Variants in FOXP3 observed in about 807,000 individuals in gnomAD.
FOXP3 encodes the protein forkhead box P3.
Under a neutral mutation model 31.2 loss-of-function variants are expected in FOXP3, and 5 were observed. The observed-to-expected ratio is 0.16, with a 90% CI of 0.08 to 0.34. The LOEUF (loss-of-function observed/expected upper bound fraction) is 0.34. Among genes scored for constraint, FOXP3 ranks in the 10% least tolerant of loss-of-function variants. The pLI is 1.00. For synonymous variants in FOXP3, 141 were observed against 148.8 expected, an observed-to-expected ratio of 0.95 and a Z score of 0.38; for missense variants, 251 against 363.0, an observed-to-expected ratio of 0.69 and a Z score of 2.51.
chrX:49,258,514 T>C lies in FOXP3; in HGVS notation c.-9A>G. ...GGCCTGGGGTTGGGCATCGGGTCCT[T>C]GTCCAAGGGCAGGCTGCGTAGACAA... On this transcript the variant is annotated 5_prime_UTR_variant, in exon 2 of 12. Transcript: ENST00000376207. 8.6e-7 allele frequency: 1 copy of C among 1,157,730 alleles called. No homozygotes were observed. The highest frequency in any genetic ancestry group is 2.6e-5 in the Admixed American group (1 of 38,391).
At chrX:49,263,256 G>GTTTTTC (rs1292264864) in intron 1 of FOXP3, among the ~76,000 whole-genome samples, 1 of 108,512 alleles carries the variant, frequency 9.2e-6, no homozygotes, top group African/African-American at 3.3e-5. Context: ...GTGATAATGT[G>GTTTTTC]TTTTTCTTAC....
intron 9 of FOXP3, among the ~76,000 whole-genome samples, chrX:49,253,686 G>A (rs1314587147): frequency 8.9e-6 from 1 of 112,344 alleles, no homozygotes; most frequent in Admixed American, 9.4e-5. Flanking sequence ...ATCCCCAAGG[G>A]AGTCAGGGCT....
Position 49,257,686 on chromosome X carries a change from T to A in FOXP3, c.293A>T (p.Asp98Val). The A allele has an allele frequency of 8.5e-7, 1 of 1,182,056 alleles. No homozygotes were observed. The highest frequency in any genetic ancestry group is 1.1e-6 in the Non-Finnish European group (1 of 879,861). Residue 98 changes from aspartate (D) to valine (V), a missense_variant, in exon 3 of 12, where the codon GAC (aspartate) becomes GTC (valine). Physicochemically the swap from Asp to Val is radical, Grantham distance 152. This residue lies in a region of FOXP3 where 152 missense variants were observed against 188.1 expected (regional missense o/e 0.81). Coordinates refer to ENST00000376207, the MANE Select transcript of FOXP3 (RefSeq NM_014009.4). ...PLPHLQALLQDRPHFMHQLST... is the reference protein window; with the variant it reads ...PLPHLQALLQVRPHFMHQLST... Reference sequence around the variant, plus strand: ...TACCTGGTGCATGAAATGTGGCCTGTCCTGGAGGAGTGCCTGTAAGTGGGG... The same window carrying A: ...TACCTGGTGCATGAAATGTGGCCTGACCTGGAGGAGTGCCTGTAAGTGGGG...
At chrX:49,254,127 A>C (rs1557115982) in intron 8 of FOXP3, 60 bp from the exon 9 acceptor site, 11 of 1,139,943 alleles carry the variant, frequency 9.6e-6, no homozygotes, top group Non-Finnish European at 1.3e-5. Flanking sequence ...TTTACTTTCT[A>C]TTTTATGTTT....
Position 49,253,613 on chromosome X carries a change from G to A in FOXP3, c.967+304C>T, listed in dbSNP as rs781959186. ...GGTGCTCCTGGAATTACTTAGCAGG[G>A]TCCCTCCCTTCTGATGGCCGAATAT... On this transcript the variant is annotated intron_variant, in intron 9 of 11. Transcript: ENST00000376207. 1.2e-4 allele frequency among the ~76,000 whole-genome samples: 14 copies of A among 112,129 alleles called. No homozygotes were observed. In the South Asian group the frequency reaches 3.8e-3, roughly 30 times the overall value.
chrX:49,254,959 T>C (rs1335294866), intron 8 of FOXP3, among the ~76,000 whole-genome samples: 1 of 107,633 alleles, frequency 9.3e-6, no homozygotes, highest in Non-Finnish European at 1.9e-5. Flanking sequence ...TTTTTTTTTT[T>C]TTTTCTTGAG....
intron 8 of FOXP3, among the ~76,000 whole-genome samples, chrX:49,254,948 T>G (rs2066058957): frequency 9.3e-6 from 1 of 107,540 alleles, no homozygotes; most frequent in Admixed American, 9.9e-5. Flanking sequence ...TCAGAGGGTT[T>G]TTTTTTTTTT....
intron 8 of FOXP3, among the ~76,000 whole-genome samples, 190 bp from the exon 9 acceptor site, chrX:49,254,257 G>A (rs1557115996): frequency 9.0e-6 from 1 of 111,329 alleles, no homozygotes; most frequent in Admixed American, 9.5e-5. Flanking sequence ...TCAGCCTCCC[G>A]AGTAGCTGGG....
At chrX:49,253,364 C>T (rs2066046520) in intron 9 of FOXP3, among the ~76,000 whole-genome samples, 162 bp from the exon 10 acceptor site, 1 of 112,350 alleles carries the variant, frequency 8.9e-6, no homozygotes, top group African/African-American at 3.2e-5. Context: ...TAAGTTGTAT[C>T]ATTTATTCTT....
At chrX:49,256,531 CTTA>C (rs2066074396) in intron 6 of FOXP3, among the ~76,000 whole-genome samples, 1 of 112,097 alleles carries the variant, frequency 8.9e-6, no homozygotes, top group African/African-American at 3.2e-5. Context: ...ACAAACGTTT[CTTA>C]TTATACATAC....
chrX:49,252,167 C>G (rs2066037681), intron 10 of FOXP3, among the ~76,000 whole-genome samples: 1 of 95,555 alleles, frequency 1.0e-5, no homozygotes, highest in African/African-American at 4.1e-5. Flanking sequence ...GGTAAAGGGC[C>G]AGGCCAACTT....
chrX:49,260,888 G>A (rs3761549), intron 1 of FOXP3, among the ~76,000 whole-genome samples: 11,187 of 112,246 alleles, frequency 0.1, 516 homozygotes, highest in South Asian at 0.26. Context: ...TCCGAGAACT[G>A]GCTGCCCTGT....
intron 6 of FOXP3, among the ~76,000 whole-genome samples, chrX:49,256,352 G>A (rs1557116353): frequency 2.7e-5 from 3 of 109,215 alleles, no homozygotes; most frequent in African/African-American, 1.0e-4. Flanking sequence ...AATAAGGCTG[G>A]CATGTTGGCA....
chrX:49,258,676 GACACACACACAC>G (rs57734889), intron 1 of FOXP3, 149 bp from the exon 2 acceptor site: 20 of 360,506 alleles, frequency 5.5e-5, no homozygotes, highest in Middle Eastern at 7.3e-4. Flanking sequence ...CCCAGCTCTA[GACACACACACAC>G]ACACACACAC....
At chrX:49,256,701 TCTCC>T (rs1557116397) in intron 6 of FOXP3, 46 bp downstream of exon 6, 1 of 1,081,791 alleles carries the variant, frequency 9.2e-7, no homozygotes, top group Non-Finnish European at 1.3e-6. Context: ...ACCCTAGACC[TCTCC>T]CCACAAGCCA....
rs868924249 is a variant in FOXP3 at position 49,250,755 on chromosome X, C to G, written c.*579G>C. The G allele has an allele frequency of 1.2e-5, 3 of 252,061 alleles. No homozygotes were observed. The highest frequency in any genetic ancestry group is 1.4e-3 in the Middle Eastern group (1 of 719). The allele number at this position is 252,061 out of a possible 1,213,427, so 20.8% of individuals were successfully genotyped here. On this transcript the variant is annotated 3_prime_UTR_variant, in exon 12 of 12. Transcript: ENST00000376207. Reference sequence around the variant, plus strand: ...ACCTCAGATCCTGAGGGTACTGACGCTGCTTCTGTGTAGGCCTCTGGGCAC... The same window carrying G: ...ACCTCAGATCCTGAGGGTACTGACGGTGCTTCTGTGTAGGCCTCTGGGCAC...
At position 49,250,467 on chromosome X, in the gene FOXP3, C is replaced by T. The variant is rs181219991; in HGVS notation, c.*867G>A. The stretch of plus-strand genomic sequence containing the variant: ...GAGCTCGGCTGCAGTTTATTGGGGA[C>T]GGTACTGTGGGTTGGGGGCCTTGGA... On this transcript the variant is annotated 3_prime_UTR_variant, in exon 12 of 12. Transcript: ENST00000376207. 47 of 497,413 alleles carry T rather than the reference C, an allele frequency of 9.4e-5. No individual in the cohort carries two copies. In the East Asian group the frequency reaches 1.0e-3, roughly 11 times the overall value. The allele number at this position is 497,413 out of a possible 1,213,427, so 41.0% of individuals were successfully genotyped here.
rs782694663 is a variant in FOXP3, at chrX:49,256,959, T to C, written c.508A>G (p.Thr170Ala). ...WVSREPALLCTFPNPSAPRKD... is the reference protein window; with the variant it reads ...WVSREPALLCAFPNPSAPRKD... Reference sequence around the variant, plus strand: ...CTGGGTGCACTGGGATTTGGGAAGGTGCAGAGCAGTGCCGGCTCCCTGGAC... The same window carrying C: ...CTGGGTGCACTGGGATTTGGGAAGGCGCAGAGCAGTGCCGGCTCCCTGGAC... The change falls in exon 5 of 12, where the codon ACC becomes GCC. Residue 170 changes from threonine to alanine, a missense_variant. Thr to Ala is a moderately conservative substitution (Grantham distance 58). Around this residue, in one of 4 missense-constraint regions of FOXP3, gnomAD observed 152 missense variants for 188.1 expected, o/e 0.81. Coordinates refer to ENST00000376207, the MANE Select transcript of FOXP3 (RefSeq NM_014009.4). 1 of 1,209,789 alleles carries C rather than the reference T, an allele frequency of 8.3e-7. No homozygotes were observed. The highest frequency in any genetic ancestry group is 1.1e-6 in the Non-Finnish European group (1 of 895,030).
At chrX:49,262,479 T>C (rs1482536650) in intron 1 of FOXP3, among the ~76,000 whole-genome samples, 2 of 112,127 alleles carry the variant, frequency 1.8e-5, no homozygotes, top group Non-Finnish European at 3.8e-5. Flanking sequence ...GATAAAGTTA[T>C]TGAGTGAATA....
Sources: gnomAD v4.1 joint callset for allele counts (sites outside exome capture counted in the v4.1 genomes callset) on GRCh38, gnomAD v4.1.1 for gene constraint, gnomAD v4.1.1 regional missense constraint, MANE v1.5 for transcripts, NCBI Gene and HGNC (gene_info 2026-07-23, HGNC 2026-07-21) for gene names.